The following CMC1 variants were observed in gnomAD, a reference collection of about 807,000 sequenced individuals.
CMC1 encodes the protein COX assembly mitochondrial protein homolog.
Under a neutral mutation model 14.1 loss-of-function variants are expected in CMC1, and 14 were observed. The observed-to-expected ratio is 0.99, with a 90% CI of 0.66 to 1.55. The LOEUF (loss-of-function observed/expected upper bound fraction) is 1.55. Among genes scored for constraint, CMC1 ranks in the 40% most tolerant of loss-of-function variants. The pLI is 0.00. For synonymous variants in CMC1, 50 were observed against 38.4 expected, an observed-to-expected ratio of 1.30 and a Z score of -1.12; for missense variants, 127 against 123.8, an observed-to-expected ratio of 1.03 and a Z score of -0.12.
At chr3:28,293,010 A>G (rs1043153670) in intron 2 of CMC1, 9 of 152,320 alleles carry the variant, frequency 5.9e-5, no homozygotes, top group East Asian at 1.9e-4. Context: ...TGTCCATACT[A>G]TTGAGAGTAT....
At chr3:28,286,924 A>G (rs1305023536) in intron 2 of CMC1, among the ~76,000 whole-genome samples, 2 of 152,092 alleles carry the variant, frequency 1.3e-5, no homozygotes, top group Non-Finnish European at 2.9e-5. Context: ...GCTGGTTTTG[A>G]TTATTTATTG....
At position 28,323,087 on chromosome 3, in the gene CMC1, A is replaced by T. The variant is rs1195453394; in HGVS notation, c.*3458A>T. On this transcript the variant is annotated 3_prime_UTR_variant, in exon 4 of 4. Coordinates refer to ENST00000466830, the MANE Select transcript of CMC1 (RefSeq NM_182523.2). Reference sequence around the variant, plus strand: ...AACCCTGATTTCTATGATTAAAAATAATAATTTTAAATCACTTTCTCAATA... The same window carrying T: ...AACCCTGATTTCTATGATTAAAAATTATAATTTTAAATCACTTTCTCAATA... 1 of 151,086 alleles carries T rather than the reference A, an allele frequency of 6.6e-6. No homozygotes were observed. The highest frequency in any genetic ancestry group is 1.5e-5 in the Non-Finnish European group (1 of 67,364). The allele number at this position is 151,086 out of a possible 1,614,324, so 9.4% of individuals were successfully genotyped here.
chr3:28,303,233 T>A (rs1330664618), intron 2 of CMC1, among the ~76,000 whole-genome samples: 1 of 152,170 alleles, frequency 6.6e-6, no homozygotes, highest in Non-Finnish European at 1.5e-5. Context: ...ACTGACATTA[T>A]TAACTACCTT....
At chr3:28,307,772 A>G (rs1702404672) in intron 2 of CMC1, among the ~76,000 whole-genome samples, 2 of 152,206 alleles carry the variant, frequency 1.3e-5, no homozygotes, top group Non-Finnish European at 2.9e-5. Context: ...ATACAAACTT[A>G]GTAGCTTTAT....
chr3:28,274,212 G>GTTTTTTTTGTTTTTTTTTTT (rs376321066), intron 2 of CMC1, among the ~76,000 whole-genome samples: 1 of 88,166 alleles, frequency 1.1e-5, no homozygotes, highest in African/African-American at 4.8e-5. Flanking sequence ...AAGTGTTTTT[G>GTTTTTTTTGTTTTTTTTTTT]TTTTTTTCTT....
At chr3:28,289,579 A>G (rs1314522097) in intron 2 of CMC1, among the ~76,000 whole-genome samples, 1 of 152,006 alleles carries the variant, frequency 6.6e-6, no homozygotes, top group East Asian at 1.9e-4. Flanking sequence ...TGCTGCAAAG[A>G]TCTTTATTTA....
At position 28,274,206 on chromosome 3, in the gene CMC1, G is replaced by GTTTTTT. The variant is rs1265139321; in HGVS notation, c.109+10831_109+10832insTTTTTT. 1.8e-3 allele frequency among the ~76,000 whole-genome samples: 150 copies of GTTTTTT among 82,886 alleles called. 3 individuals carry two copies. Among genetic ancestry groups the GTTTTTT allele is most frequent in the Middle Eastern group, 6.3e-3 (1 of 158 alleles). 54.4% of individuals were successfully genotyped at this position (82,886 alleles called of 152,430 possible). A position where few individuals can be genotyped will look rare whatever the true frequency, so the allele number is the denominator to read the frequency against. On this transcript the variant is annotated intron_variant, in intron 2 of 3. Coordinates refer to ENST00000466830, the MANE Select transcript of CMC1 (RefSeq NM_182523.2). ...GTGTCATTGGTCTTTGTACTAAAGT[G>GTTTTTT]TTTTTGTTTTTTTCTTTTTTTTTTT... is the stretch of plus-strand genomic sequence containing the variant.
rs1703235875 is a variant in CMC1 at position 28,323,017 on chromosome 3, GAA to G, written c.*3389_*3390del. ...TTATTTCCAAATAATTGGCCACTTA[GAA>G]TAAGTGTGGACATTTCATGATCGAC... On this transcript the variant is annotated 3_prime_UTR_variant, in exon 4 of 4. Coordinates refer to ENST00000466830, the MANE Select transcript of CMC1 (RefSeq NM_182523.2). 1 of 141,184 alleles carries G rather than the reference GAA, an allele frequency of 7.1e-6. No individual in the cohort carries two copies. Among genetic ancestry groups the G allele is most frequent in the Non-Finnish European group, 1.6e-5 (1 of 61,024 alleles). 8.7% of individuals were successfully genotyped at this position (141,184 alleles called of 1,614,324 possible).
At position 28,272,832 on chromosome 3, in the gene CMC1, C is replaced by G. The variant is rs547487631; in HGVS notation, c.109+9452C>G. On this transcript the variant is annotated intron_variant, in intron 2 of 3. Transcript: ENST00000466830. ...CCCAAGTAGCTGGGATTACAGGTGC[C>G]CACCACCACGCCTGGCAAATTTTTT... Among the ~76,000 whole-genome samples the G allele has an allele frequency of 2.6e-3, 391 of 152,026 alleles. 3 individuals are homozygous for G. Among genetic ancestry groups the G allele is most frequent in the South Asian group, 7.5e-3 (36 of 4,804 alleles).
Position 28,263,330 on chromosome 3 carries a change from C to A in CMC1, c.59C>A (p.Pro20His). 1 of 1,608,152 alleles carries A rather than the reference C, an allele frequency of 6.2e-7. No individual in the cohort carries two copies. The highest frequency in any genetic ancestry group is 1.1e-5 in the South Asian group (1 of 90,158). ...LRHVEKDVLI[P>H]KIMREKAKER... ...CATGTCGAAAAAGATGTTTTGATCC[C>A]TAAAATAATGAGAGAAAAGGCCAAA... is the stretch of plus-strand genomic sequence containing the variant. Residue 20 changes from proline to histidine, a missense_variant, in exon 2 of 4, where the codon CCT becomes CAT. Transcript: ENST00000466830.
chr3:28,287,397 T>A (rs1184573149), intron 2 of CMC1, among the ~76,000 whole-genome samples: 1 of 152,186 alleles, frequency 6.6e-6, no homozygotes, highest in East Asian at 1.9e-4. Flanking sequence ...GTTGGAATCT[T>A]TCTCTGGTGC....
At chr3:28,265,172 C>A (rs1240310120) in intron 2 of CMC1, among the ~76,000 whole-genome samples, 1 of 151,940 alleles carries the variant, frequency 6.6e-6, no homozygotes, top group Non-Finnish European at 1.5e-5. Context: ...ATCTGTGACT[C>A]ATTTGGATTA....
intron 1 of CMC1, among the ~76,000 whole-genome samples, chr3:28,249,159 A>G (rs1698998283): frequency 6.6e-6 from 1 of 152,214 alleles, no homozygotes; most frequent in Non-Finnish European, 1.5e-5. Flanking sequence ...ACCATCCTGC[A>G]TTGTGTTTTG....
At chr3:28,242,335 C>T (rs1698570948) in intron 1 of CMC1, among the ~76,000 whole-genome samples, 1 of 152,234 alleles carries the variant, frequency 6.6e-6, no homozygotes, top group Non-Finnish European at 1.5e-5. Context: ...CTTCCAGCCA[C>T]TTCCGTTTGC....
intron 1 of CMC1, among the ~76,000 whole-genome samples, chr3:28,259,857 A>G (rs1193603053): frequency 5.0e-5 from 5 of 99,602 alleles, no homozygotes; most frequent in Admixed American, 1.0e-4. Context: ...GTGTACTCAT[A>G]TGTGTGTGTG....
intron 1 of CMC1, among the ~76,000 whole-genome samples, chr3:28,262,796 G>C (rs74589813): frequency 0.018 from 2,729 of 152,226 alleles, 83 homozygotes; most frequent in African/African-American, 0.061. Flanking sequence ...TTAAAATGCA[G>C]AGAAATCACA....
intron 1 of CMC1, among the ~76,000 whole-genome samples, chr3:28,262,296 T>C (rs1455117215): frequency 6.6e-6 from 1 of 152,160 alleles, no homozygotes; most frequent in Admixed American, 6.6e-5. Context: ...GTCTGAGGAC[T>C]CAGGTCTTTG....
intron 2 of CMC1, among the ~76,000 whole-genome samples, chr3:28,299,302 T>C (rs560435352): frequency 1.2e-4 from 18 of 152,234 alleles, no homozygotes; most frequent in African/African-American, 3.8e-4. Flanking sequence ...AAATCAGAAA[T>C]ACTGATTTCT....
chr3:28,312,437 G>C (rs1702682535), intron 2 of CMC1, among the ~76,000 whole-genome samples: 2 of 152,170 alleles, frequency 1.3e-5, no homozygotes, highest in South Asian at 4.1e-4. Context: ...CTGGATAACT[G>C]CATTTGCAAA....
Sources: gnomAD v4.1 joint callset for allele counts (sites outside exome capture counted in the v4.1 genomes callset) on GRCh38, gnomAD v4.1.1 for gene constraint, MANE v1.5 for transcripts, NCBI Gene and HGNC (gene_info 2026-07-23, HGNC 2026-07-21) for gene names.